PPFIA2: variants seen among roughly 807,000 people sequenced by gnomAD.
PPFIA2 encodes PPFI scaffold protein A2.
A neutral mutation model predicts 175.5 loss-of-function variants in PPFIA2; 46 were observed. The ratio of observed to expected loss-of-function variants is 0.26; its 90% CI spans 0.21 to 0.34. PPFIA2 has a LOEUF of 0.34. Ranked by LOEUF, PPFIA2 falls within the 10% of genes least tolerant of loss-of-function variation. The probability of loss-of-function intolerance (pLI) is 1.00; values close to 1 mark genes in which losing one functional copy is unlikely to be tolerated. For missense variants in PPFIA2, 1,179 were observed against 1,506.1 expected (o/e 0.78, Z 3.60); for synonymous variants, 568 against 511.4 (o/e 1.11, Z -1.49).
At chr12:81,407,786 A>G (rs1174271484) in intron 7 of PPFIA2, among the ~76,000 whole-genome samples, 2 of 152,172 alleles carry the variant, frequency 1.3e-5, no homozygotes, top group Non-Finnish European at 2.9e-5. Flanking sequence ...ACAACTCCTC[A>G]GAGTGAATGT....
chr12:81,594,818 T>C (rs529165283), intron 4 of PPFIA2, among the ~76,000 whole-genome samples: 1 of 152,008 alleles, frequency 6.6e-6, no homozygotes, highest in Admixed American at 6.6e-5. Flanking sequence ...GGGGCTAAGG[T>C]GGGAGGATCG....
intron 3 of PPFIA2, among the ~76,000 whole-genome samples, chr12:81,680,764 C>T (rs141149562): frequency 6.6e-6 from 1 of 152,118 alleles, no homozygotes; most frequent in Non-Finnish European, 1.5e-5. Flanking sequence ...ATACAGCCCA[C>T]TTCTCTTGTT....
chr12:81,453,106 T>A, intron 5 of PPFIA2, among the ~76,000 whole-genome samples: 1 of 150,562 alleles, frequency 6.6e-6, no homozygotes, highest in South Asian at 2.1e-4. Context: ...TAACTCGTCA[T>A]CTAGCATTAG....
At chr12:81,399,290 CAAAAAAAAAAAAAAAA>C (rs543794696) in intron 8 of PPFIA2, among the ~76,000 whole-genome samples, 2 of 42,000 alleles carry the variant, frequency 4.8e-5, no homozygotes, top group East Asian at 1.5e-3. Context: ...TCCTTCTTCA[CAAAAAAAAAAAAAAAA>C]AAAAAAAAAA....
At chr12:81,406,716 C>A (rs987630906) in intron 7 of PPFIA2, among the ~76,000 whole-genome samples, 1 of 151,674 alleles carries the variant, frequency 6.6e-6, no homozygotes, top group Non-Finnish European at 1.5e-5. Context: ...TATATTAATG[C>A]TGTAACTTAT....
intron 4 of PPFIA2, among the ~76,000 whole-genome samples, chr12:81,565,174 T>G (rs766912173): frequency 5.9e-5 from 9 of 152,124 alleles, no homozygotes; most frequent in Non-Finnish European, 1.2e-4. Flanking sequence ...CTCTCCACCT[T>G]TGTCTGAGGA....
At chr12:81,362,081 C>A (rs186027971) in intron 15 of PPFIA2, among the ~76,000 whole-genome samples, 1 of 151,138 alleles carries the variant, frequency 6.6e-6, no homozygotes, top group East Asian at 1.9e-4. Flanking sequence ...CCATCCATTG[C>A]TTCTTTTTCT....
chr12:81,298,524 G>A (rs1249836958), intron 23 of PPFIA2: 1 of 152,202 alleles, frequency 6.6e-6, no homozygotes, highest in Non-Finnish European at 1.5e-5. Context: ...AGGAAAGCCT[G>A]GATTCTTCTT....
At chr12:81,595,105 T>C (rs1269029294) in intron 4 of PPFIA2, among the ~76,000 whole-genome samples, 1 of 151,840 alleles carries the variant, frequency 6.6e-6, no homozygotes, top group Non-Finnish European at 1.5e-5. Context: ...TAAGTCATGA[T>C]TAACCACTCA....
intron 3 of PPFIA2, among the ~76,000 whole-genome samples, chr12:81,707,357 C>T (rs1159813053): frequency 3.9e-5 from 6 of 152,144 alleles, no homozygotes; most frequent in Middle Eastern, 3.4e-3. Context: ...AAAAAGTGGG[C>T]GAAGGACATG....
intron 21 of PPFIA2, among the ~76,000 whole-genome samples, chr12:81,330,982 T>C (rs1232724279): frequency 6.6e-6 from 1 of 152,236 alleles, no homozygotes; most frequent in African/African-American, 2.4e-5. Context: ...ATGCAGAGCA[T>C]GAGTCATTTC....
chr12:81,575,944 A>C (rs950234331), intron 4 of PPFIA2, among the ~76,000 whole-genome samples: 7 of 151,778 alleles, frequency 4.6e-5, no homozygotes, highest in Non-Finnish European at 1.0e-4. Flanking sequence ...TTATAAACAA[A>C]GATGGCTGGT....
At chr12:81,280,524 C>A (rs1044304076) in intron 27 of PPFIA2, among the ~76,000 whole-genome samples, 2 of 152,046 alleles carry the variant, frequency 1.3e-5, no homozygotes, top group Admixed American at 6.6e-5. Flanking sequence ...AAGCCAAAAT[C>A]ATCTATGGTT....
At chr12:81,610,813 A>C (rs1314401824) in intron 4 of PPFIA2, among the ~76,000 whole-genome samples, 1 of 152,138 alleles carries the variant, frequency 6.6e-6, no homozygotes, top group Non-Finnish European at 1.5e-5. Context: ...AATTGTCAAG[A>C]GTTCCGGAAC....
At chr12:81,519,619 A>AT (rs1268026572) in intron 4 of PPFIA2, among the ~76,000 whole-genome samples, 17 of 152,190 alleles carry the variant, frequency 1.1e-4, no homozygotes, top group Admixed American at 1.1e-3. Context: ...GACCTACAAT[A>AT]TATCAAATGG....
At chr12:81,367,036 C>T (rs1031425228) in intron 14 of PPFIA2, 72 bp downstream of exon 14, 5 of 1,360,274 alleles carry the variant, frequency 3.7e-6, no homozygotes, top group Non-Finnish European at 4.8e-6. Context: ...ATTTATTTTA[C>T]AACAAAACAT....
Position 81,352,622 on chromosome 12 carries a change from G to T in PPFIA2, c.1994+497C>A, listed in dbSNP as rs113035974. ...AAACACGCTGTCCCTGATATAAATG[G>T]CATAAAATTGACAAAAAGAATGGTA... On this transcript the variant is annotated intron_variant, in intron 17 of 32. Transcript: ENST00000549396. Among the ~76,000 whole-genome samples, 1,448 of 151,828 alleles carry T rather than the reference G, an allele frequency of 9.5e-3. 10 individuals are homozygous for T. Among genetic ancestry groups the T allele is most frequent in the Non-Finnish European group, 0.014 (965 of 67,924 alleles).
In PPFIA2 at chr12:81,443,882, A is replaced by C. The variant is rs1191563071; in HGVS notation, c.570+1674T>G. 4.3e-5 allele frequency among the ~76,000 whole-genome samples: 4 copies of C among 92,496 alleles called. No homozygotes were observed. The East Asian group carries it at 1.4e-3, about 33-fold the overall frequency. The allele number at this position is 92,496 out of a possible 152,430, so 60.7% of individuals were successfully genotyped here. ...TTTTTTTTTTTTTTTTTTGAGACGG[A>C]GTCTCGCTGTCACCCAGGCTGGAGT... On this transcript the variant is annotated intron_variant, in intron 6 of 32. Transcript: ENST00000549396.
chr12:81,542,945 T>G (rs2066435151), intron 4 of PPFIA2, among the ~76,000 whole-genome samples: 1 of 152,084 alleles, frequency 6.6e-6, no homozygotes, highest in South Asian at 2.1e-4. Context: ...ATAAGGAAAA[T>G]TAGAAAACAA....
Sources: allele counts gnomAD v4.1 joint callset (sites outside exome capture counted in the v4.1 genomes callset), GRCh38; gene constraint gnomAD v4.1.1; transcripts MANE v1.5; gene names NCBI Gene and HGNC (gene_info 2026-07-23, HGNC 2026-07-21).